Variants in GRIN2B observed in about 807,000 individuals in gnomAD.
GRIN2B encodes the protein glutamate receptor ionotropic, NMDA 2B.
Under a neutral mutation model 114.5 loss-of-function variants are expected in GRIN2B, and 5 were observed. The observed-to-expected ratio is 0.04, with a 90% confidence interval of 0.02 to 0.09. GRIN2B has a LOEUF of 0.09. Ranked by LOEUF, GRIN2B falls within the 10% of genes least tolerant of loss-of-function variation. The probability of loss-of-function intolerance (pLI) is 1.00; values close to 1 mark genes in which losing one functional copy is unlikely to be tolerated. For synonymous variants in GRIN2B, 787 were observed against 745.1 expected, an observed-to-expected ratio of 1.06 and a Z score of -0.92; for missense variants, 1,108 against 1,943.5, an observed-to-expected ratio of 0.57 and a Z score of 8.08.
chr12:13,967,117 T>G (rs1159977460), intron 2 of GRIN2B, among the ~76,000 whole-genome samples: 4 of 152,186 alleles, frequency 2.6e-5, no homozygotes, highest in African/African-American at 9.7e-5. Context: ...AACTCAACAA[T>G]TACATTAATT....
At position 13,935,291 on chromosome 12, in the gene GRIN2B, A is replaced by G. The variant is rs114669019; in HGVS notation, c.-19+44637T>C. Among the ~76,000 whole-genome samples, 914 of 152,350 alleles carry G rather than the reference A, an allele frequency of 6.0e-3. 11 individuals carry two copies. The highest frequency in any genetic ancestry group is 0.021 in the African/African-American group (867 of 41,574). ...CATAGTTAGTAACTGCTATGCTAAAACAGGACTCAATAAACTACTTCACAC... is the reference window on the plus strand; with the variant it reads ...CATAGTTAGTAACTGCTATGCTAAAGCAGGACTCAATAAACTACTTCACAC... On this transcript the variant is annotated intron_variant, in intron 2 of 13. Transcript: ENST00000609686.
chr12:13,828,111 T>C (rs532142542), intron 3 of GRIN2B, among the ~76,000 whole-genome samples: 1 of 152,388 alleles, frequency 6.6e-6, no homozygotes, highest in African/African-American at 2.4e-5. Context: ...CATGTGCACA[T>C]ATTCATGTGT....
intron 2 of GRIN2B, among the ~76,000 whole-genome samples, chr12:13,943,609 A>G (rs1299082803): frequency 6.6e-6 from 1 of 152,170 alleles, no homozygotes; most frequent in Non-Finnish European, 1.5e-5. Flanking sequence ...TTTAACAAAC[A>G]TGTACATTTC....
intron 4 of GRIN2B, among the ~76,000 whole-genome samples, chr12:13,679,964 A>T (rs940952443): frequency 4.6e-5 from 7 of 152,194 alleles, no homozygotes; most frequent in African/African-American, 1.7e-4. Flanking sequence ...ATATAAGGTT[A>T]TTTAATAGGA....
intron 4 of GRIN2B, among the ~76,000 whole-genome samples, chr12:13,690,386 CACACACACAT>C (rs1406951921): frequency 6.6e-6 from 1 of 151,502 alleles, no homozygotes; most frequent in Admixed American, 6.6e-5. Flanking sequence ...CACACACACA[CACACACACAT>C]GCAACTGGCA....
intron 5 of GRIN2B, among the ~76,000 whole-genome samples, chr12:13,624,259 A>G (rs1020495460): frequency 1.3e-5 from 2 of 152,184 alleles, no homozygotes; most frequent in African/African-American, 4.8e-5. Context: ...TGGCATGAAT[A>G]ACAACTATGT....
intron 3 of GRIN2B, among the ~76,000 whole-genome samples, chr12:13,783,783 C>A (rs76824334): frequency 1.3e-5 from 2 of 152,192 alleles, no homozygotes; most frequent in East Asian, 3.9e-4. Flanking sequence ...CTGCTCCAAG[C>A]AGCAGAACTC....
intron 2 of GRIN2B, among the ~76,000 whole-genome samples, chr12:13,921,857 T>C (rs1470118401): frequency 1.3e-5 from 2 of 152,130 alleles, no homozygotes; most frequent in Admixed American, 1.3e-4. Flanking sequence ...ATTCCCTGAA[T>C]TGAAGAATCA....
intron 2 of GRIN2B, among the ~76,000 whole-genome samples, chr12:13,884,572 T>G (rs569236055): frequency 2.6e-5 from 4 of 152,206 alleles, no homozygotes; most frequent in Admixed American, 6.5e-5. Context: ...AATGATAATT[T>G]TTTTTCTCCT....
At chr12:13,803,816 A>G (rs1318345450) in intron 3 of GRIN2B, among the ~76,000 whole-genome samples, 4 of 152,174 alleles carry the variant, frequency 2.6e-5, no homozygotes, top group African/African-American at 9.7e-5. Flanking sequence ...ACAACAATTC[A>G]CAAGGGGTTA....
At chr12:13,605,558 C>CTCTG (rs1565472545) in intron 10 of GRIN2B, among the ~76,000 whole-genome samples, 6 of 143,214 alleles carry the variant, frequency 4.2e-5, no homozygotes, top group African/African-American at 5.1e-5. Flanking sequence ...CTCTGACACA[C>CTCTG]ACACACACAC....
At chr12:13,895,795 G>A (rs1866343158) in intron 2 of GRIN2B, among the ~76,000 whole-genome samples, 1 of 151,988 alleles carries the variant, frequency 6.6e-6, no homozygotes, top group African/African-American at 2.4e-5. Context: ...TAGATCTTTA[G>A]ATCTTTTCAT....
chr12:13,775,705 C>A (rs982500049), intron 3 of GRIN2B, among the ~76,000 whole-genome samples: 1 of 152,100 alleles, frequency 6.6e-6, no homozygotes, highest in East Asian at 1.9e-4. Flanking sequence ...GTGTACCATG[C>A]CCCATAGTTA....
At chr12:13,583,305 A>G (rs1461167793) in intron 10 of GRIN2B, among the ~76,000 whole-genome samples, 1 of 152,244 alleles carries the variant, frequency 6.6e-6, no homozygotes, top group Non-Finnish European at 1.5e-5. Flanking sequence ...CATGTGTCAC[A>G]TAATTTACGT....
chr12:13,937,208 T>C (rs531106283), intron 2 of GRIN2B, among the ~76,000 whole-genome samples: 50 of 151,866 alleles, frequency 3.3e-4, no homozygotes, highest in Non-Finnish European at 6.6e-4. Flanking sequence ...AAAAGATTTT[T>C]TTTTAAATGA....
intron 2 of GRIN2B, among the ~76,000 whole-genome samples, chr12:13,916,710 T>TACACAC (rs144748589): frequency 1.2e-4 from 12 of 100,286 alleles, no homozygotes; most frequent in Admixed American, 3.8e-4. Flanking sequence ...TACATATACA[T>TACACAC]ATACACACAC....
Position 13,538,393 on chromosome 12 carries a change from G to A in GRIN2B, c.*24390C>T, listed in dbSNP as rs1948236846. The A allele has an allele frequency of 6.6e-6, 1 of 152,248 alleles. No homozygotes were observed. 9.4% of individuals were successfully genotyped at this position (152,248 alleles called of 1,614,324 possible). A position where few individuals can be genotyped will look rare whatever the true frequency, so the allele number is the denominator to read the frequency against. ...ACTTGGCATAGTCTCAGGAAGTTCTGGCACTCACCCTTGTCATTGGAGTCT... is the reference window on the plus strand; with the variant it reads ...ACTTGGCATAGTCTCAGGAAGTTCTAGCACTCACCCTTGTCATTGGAGTCT... On this transcript the variant is annotated 3_prime_UTR_variant, in exon 14 of 14. Transcript: ENST00000609686.
chr12:13,834,091 T>C (rs1410145348), intron 3 of GRIN2B, among the ~76,000 whole-genome samples: 1 of 132,160 alleles, frequency 7.6e-6, no homozygotes, highest in African/African-American at 2.8e-5. Flanking sequence ...AGTGCAGTGG[T>C]GCAATCTTGG....
At chr12:13,699,834 A>G (rs971021785) in intron 4 of GRIN2B, among the ~76,000 whole-genome samples, 4 of 148,968 alleles carry the variant, frequency 2.7e-5, no homozygotes, top group Non-Finnish European at 4.4e-5. Flanking sequence ...TGATCCGCCC[A>G]CCTCAGCCTC....
Sources: allele counts gnomAD v4.1 joint callset (sites outside exome capture counted in the v4.1 genomes callset), GRCh38; gene constraint gnomAD v4.1.1; transcripts MANE v1.5; gene names NCBI Gene and HGNC (gene_info 2026-07-23, HGNC 2026-07-21).